KHDRBS2: variants seen among roughly 807,000 people sequenced by gnomAD.
The protein encoded by KHDRBS2 is KH RNA binding domain containing, signal transduction associated 2.
KHDRBS2 carries 26 observed loss-of-function variants against 44.3 expected under a neutral mutation model. The ratio of observed to expected loss-of-function variants is 0.59; its 90% CI spans 0.43 to 0.81. The LOEUF (loss-of-function observed/expected upper bound fraction) is 0.81. Among genes scored for constraint, KHDRBS2 ranks in the 40% least tolerant of loss-of-function variants. The probability of loss-of-function intolerance (pLI) is 0.00; values close to 1 mark genes in which losing one functional copy is unlikely to be tolerated. For missense variants in KHDRBS2, 476 were observed against 433.1 expected (o/e 1.10, Z -0.88); for synonymous variants, 194 against 151.1 (o/e 1.28, Z -2.08).
At chr6:61,795,231 A>G (rs1393922091) in intron 6 of KHDRBS2, among the ~76,000 whole-genome samples, 1 of 151,958 alleles carries the variant, frequency 6.6e-6, no homozygotes, top group Non-Finnish European at 1.5e-5. Flanking sequence ...TCTCAACTAT[A>G]TAACAGCAAT....
At chr6:62,238,374 G>A (rs1252859356) in intron 1 of KHDRBS2, among the ~76,000 whole-genome samples, 1 of 152,040 alleles carries the variant, frequency 6.6e-6, no homozygotes, top group African/African-American at 2.4e-5. Context: ...CTCCCAAACT[G>A]TTTCCAGAAA....
chr6:61,599,068 G>T, the KHDRBS2 span, among the ~76,000 whole-genome samples: 4 of 151,754 alleles, frequency 2.6e-5, no homozygotes, highest in Non-Finnish European at 5.9e-5. Flanking sequence ...TGAGTAGCTG[G>T]CATTACAGGT....
At chr6:61,914,828 T>C (rs1263784720) in intron 4 of KHDRBS2, among the ~76,000 whole-genome samples, 1 of 152,036 alleles carries the variant, frequency 6.6e-6, no homozygotes, top group Admixed American at 6.6e-5. Context: ...CATAGTCTGT[T>C]AATCATAAAA....
intron 4 of KHDRBS2, among the ~76,000 whole-genome samples, chr6:61,926,351 C>A (rs979661956): frequency 1.3e-5 from 2 of 152,082 alleles, no homozygotes; most frequent in Non-Finnish European, 2.9e-5. Flanking sequence ...AAGTAAGATT[C>A]TTTGGAGTTT....
At chr6:61,603,053 C>T in the KHDRBS2 span, among the ~76,000 whole-genome samples, 1 of 152,088 alleles carries the variant, frequency 6.6e-6, no homozygotes, top group Non-Finnish European at 1.5e-5. Context: ...CCTTACCATC[C>T]CATTAAAACC....
At chr6:61,848,502 T>TATAC (rs1794818487) in intron 6 of KHDRBS2, among the ~76,000 whole-genome samples, 1 of 53,496 alleles carries the variant, frequency 1.9e-5, no homozygotes, top group African/African-American at 1.1e-4. Context: ...TATATATATA[T>TATAC]ATATATATGT....
chr6:61,586,553 G>T, the KHDRBS2 span, among the ~76,000 whole-genome samples: 1 of 152,118 alleles, frequency 6.6e-6, no homozygotes, highest in African/African-American at 2.4e-5. Flanking sequence ...TCTTGGCAAG[G>T]TGACTAGTAC....
At chr6:62,025,211 G>T (rs1210979701) in intron 3 of KHDRBS2, among the ~76,000 whole-genome samples, 2 of 151,458 alleles carry the variant, frequency 1.3e-5, no homozygotes, top group Non-Finnish European at 3.0e-5. Context: ...TCTGAATTTG[G>T]CATATTTTTG....
intron 4 of KHDRBS2, among the ~76,000 whole-genome samples, chr6:61,924,193 G>A (rs1388950986): frequency 6.6e-6 from 1 of 152,014 alleles, no homozygotes; most frequent in Non-Finnish European, 1.5e-5. Context: ...ATGTTCATGG[G>A]ATGAAGGAAA....
At chr6:61,825,312 A>G (rs1447789140) in intron 6 of KHDRBS2, among the ~76,000 whole-genome samples, 1 of 152,180 alleles carries the variant, frequency 6.6e-6, no homozygotes, top group Non-Finnish European at 1.5e-5. Context: ...GTGTTTCCAT[A>G]GGCAAAACAT....
intron 6 of KHDRBS2, among the ~76,000 whole-genome samples, chr6:61,747,458 T>A (rs1373443602): frequency 6.6e-6 from 1 of 152,314 alleles, no homozygotes; most frequent in East Asian, 1.9e-4. Context: ...TCTTTAGTAA[T>A]ATTTTTTCAA....
At chr6:61,604,925 C>A in the KHDRBS2 span, among the ~76,000 whole-genome samples, 1 of 152,094 alleles carries the variant, frequency 6.6e-6, no homozygotes, top group African/African-American at 2.4e-5. Context: ...AATGGACTGA[C>A]CTTTATTAGT....
intron 4 of KHDRBS2, among the ~76,000 whole-genome samples, chr6:61,904,179 C>T (rs997366287): frequency 5.9e-5 from 9 of 152,094 alleles, no homozygotes; most frequent in African/African-American, 2.2e-4. Flanking sequence ...TTTCTTGGAG[C>T]AGGTGTAGCC....
chr6:61,769,428 C>G (rs1780495726), intron 6 of KHDRBS2, among the ~76,000 whole-genome samples: 1 of 152,178 alleles, frequency 6.6e-6, no homozygotes, highest in African/African-American at 2.4e-5. Context: ...AAAGCAGTGA[C>G]AGATGGCACC....
At chr6:61,878,865 T>TA (rs1192558093) in intron 6 of KHDRBS2, among the ~76,000 whole-genome samples, 12 of 152,090 alleles carry the variant, frequency 7.9e-5, no homozygotes, top group African/African-American at 2.9e-4. Flanking sequence ...ATAATACCAA[T>TA]AAAAATATGG....
Position 61,924,369 on chromosome 6 carries a change from T to C in KHDRBS2, c.484-22998A>G, listed in dbSNP as rs1808586648. ...GAAAATTTTAGGGGGGATGGAGAGA[T>C]TCATTATTTTGACAGTAGTGACTGT... On this transcript the variant is annotated intron_variant, in intron 4 of 8. Coordinates refer to ENST00000281156, the MANE Select transcript of KHDRBS2 (RefSeq NM_152688.4). Among the ~76,000 whole-genome samples, 3 of 152,100 alleles carry C rather than the reference T, an allele frequency of 2.0e-5. No homozygotes were observed. The South Asian group carries it at 6.2e-4, about 32-fold the overall frequency.
At chr6:62,276,442 T>TG (rs560728146) in intron 1 of KHDRBS2, among the ~76,000 whole-genome samples, 128 of 152,254 alleles carry the variant, frequency 8.4e-4, no homozygotes, top group African/African-American at 2.6e-3. Context: ...CTAAAAAATG[T>TG]GGGGAAAAAA....
At chr6:62,033,192 A>C (rs1056888534) in intron 3 of KHDRBS2, among the ~76,000 whole-genome samples, 1 of 151,968 alleles carries the variant, frequency 6.6e-6, no homozygotes, top group Admixed American at 6.6e-5. Context: ...AAAGAGAATA[A>C]AAACAAACAA....
intron 2 of KHDRBS2, among the ~76,000 whole-genome samples, chr6:62,101,011 A>T (rs1801753592): frequency 6.6e-6 from 1 of 152,210 alleles, no homozygotes; most frequent in Non-Finnish European, 1.5e-5. Flanking sequence ...CAGAAAATCT[A>T]TCTCTAGTAT....
Sources: allele counts gnomAD v4.1 joint callset (sites outside exome capture counted in the v4.1 genomes callset), GRCh38; gene constraint gnomAD v4.1.1; transcripts MANE v1.5; gene names NCBI Gene and HGNC (gene_info 2026-07-23, HGNC 2026-07-21).